The following UBTF variants were observed in gnomAD, a reference collection of about 807,000 sequenced individuals.
UBTF encodes nucleolar transcription factor 1.
UBTF carries 8 observed loss-of-function variants against 112.3 expected under a neutral mutation model. That is an observed-to-expected ratio of 0.07 (90% CI 0.04 to 0.13). The LOEUF is 0.13. UBTF is among the 10% of genes least tolerant of loss of function. UBTF has a pLI of 1.00. For synonymous variants in UBTF, 417 were observed against 373.1 expected (o/e 1.12, Z -1.36); for missense variants, 457 against 982.1 (o/e 0.47, Z 7.15).
At position 44,210,415 on chromosome 17, in the gene UBTF, C is replaced by T; in HGVS notation, c.1418G>A (p.Gly473Glu). The change falls in exon 14 of 21, where the codon GGG becomes GAG. Residue 473 changes from glycine to glutamate, a missense_variant. Around this residue, in one of 7 missense-constraint regions of UBTF, gnomAD observed 108 missense variants for 137.4 expected, o/e 0.79. Transcript: ENST00000436088. Reference sequence around the variant, plus strand: ...CAGCTTGCCCCGTTCCTCGCGCTCCCCGCCGGGCTTCCTCTCCGACTGAGC... The same window carrying T: ...CAGCTTGCCCCGTTCCTCGCGCTCCTCGCCGGGCTTCCTCTCCGACTGAGC... ...LKAQSERKPG[G>E]EREERGKLPE... 6.2e-7 allele frequency: 1 copy of T among 1,614,110 alleles called. No homozygotes were observed. The highest frequency in any genetic ancestry group is 1.1e-5 in the South Asian group (1 of 91,082).
At chr17:44,214,545 A>G (rs528093605) in intron 5 of UBTF, among the ~76,000 whole-genome samples, 3 of 152,130 alleles carry the variant, frequency 2.0e-5, no homozygotes, top group Non-Finnish European at 4.4e-5. Flanking sequence ...CCATCCCATG[A>G]GAGTGTTTGG....
intron 15 of UBTF, 112 bp downstream of exon 15, chr17:44,210,012 G>A: frequency 8.9e-7 from 1 of 1,129,176 alleles, no homozygotes; most frequent in Non-Finnish European, 1.3e-6. Flanking sequence ...GAAGGAAGCT[G>A]AGACTTGCTG....
intron 2 of UBTF, among the ~76,000 whole-genome samples, chr17:44,217,785 C>T (rs552180206): frequency 1.4e-4 from 21 of 152,218 alleles, no homozygotes; most frequent in Non-Finnish European, 2.9e-4. Flanking sequence ...CCACCTGCCT[C>T]TACAAAAGCC....
intron 5 of UBTF, among the ~76,000 whole-genome samples, chr17:44,213,830 A>G (rs2046704416): frequency 6.6e-6 from 1 of 152,174 alleles, no homozygotes; most frequent in Non-Finnish European, 1.5e-5. Flanking sequence ...AGTCTCAGCC[A>G]GCTACCCTGC....
chr17:44,207,818 G>A, intron 18 of UBTF, 46 bp downstream of exon 18: 1 of 1,614,066 alleles, frequency 6.2e-7, no homozygotes, highest in Non-Finnish European at 8.5e-7. Flanking sequence ...CGACACCCCT[G>A]AATTCCCCCA....
At chr17:44,213,317 C>A in intron 5 of UBTF, 35 bp from the exon 6 acceptor site, 1 of 1,603,576 alleles carries the variant, frequency 6.2e-7, no homozygotes. Context: ...ACTCAGGACC[C>A]AAGGGTATCT....
In UBTF at chr17:44,216,504, A is replaced by G. The variant is rs781246153; in HGVS notation, c.234+25T>C. 1.6e-4 allele frequency: 255 copies of G among 1,613,144 alleles called. 2 individuals are homozygous for G. In the Admixed American group the frequency reaches 4.1e-3, roughly 26 times the overall value. On this transcript the variant is annotated intron_variant, in intron 3 of 20. Transcript: ENST00000436088. ...CACGCTGAGTGGGGGGTATGTGTGT[A>G]TGTCAGAAAAGGGGGATCAGTTACC...
intron 5 of UBTF, chr17:44,215,375 G>C (rs1306833072): frequency 2.2e-6 from 1 of 455,090 alleles, no homozygotes; most frequent in Non-Finnish European, 4.0e-6. Context: ...GTGTATGGGG[G>C]AGAGAGAGCT....
rs375532870 is a variant in UBTF, at chr17:44,215,666, C to T, written c.462G>A (p.Pro154=). 33 of 1,613,860 alleles carry T rather than the reference C, an allele frequency of 2.0e-5. No individual in the cohort carries two copies. Among genetic ancestry groups the T allele is most frequent in the Non-Finnish European group, 2.5e-5 (29 of 1,180,002 alleles). The part of the protein sequence containing the change: ...KILSKKYKEL[P]EKKKMKYIQD... The stretch of plus-strand genomic sequence containing the variant: ...CTCCTCCCCCCACCTTCTTCTTCTC[C>T]GGAAGCTCCTTGTATTTCTTGGACA... The change falls in exon 5 of 21, where the codon CCG becomes CCA. Residue 154 remains proline, a synonymous_variant. Transcript: ENST00000436088.
intron 2 of UBTF, among the ~76,000 whole-genome samples, chr17:44,217,022 G>A (rs1294063784): frequency 6.6e-6 from 1 of 152,246 alleles, no homozygotes; most frequent in African/African-American, 2.4e-5. Flanking sequence ...AAGAGGGGTG[G>A]AAATGAAGGT....
In UBTF at chr17:44,207,472, C is replaced by G; in HGVS notation, c.2151G>C (p.Glu717Asp). Reference protein sequence around the residue: ...GDSSESSSEDESEDGDENEED... With the variant: ...GDSSESSSEDDSEDGDENEED... ...GCCCCACCTCATCCCCATCCTCGCT[C>G]TCGTCCTCGCTGCTGGACTCAGAGG... is the stretch of plus-strand genomic sequence containing the variant. Residue 717 changes from glutamate to aspartate, a missense_variant, in exon 20 of 21, where the codon GAG (glutamate) becomes GAC (aspartate). By Grantham distance (45) the Glu-to-Asp change is conservative. Around this residue, in one of 7 missense-constraint regions of UBTF, gnomAD observed 139 missense variants for 157.5 expected, o/e 0.88. Coordinates refer to ENST00000436088, the MANE Select transcript of UBTF (RefSeq NM_014233.4). The G allele has an allele frequency of 6.2e-7, 1 of 1,614,066 alleles. No homozygotes were observed. Among genetic ancestry groups the G allele is most frequent in the Non-Finnish European group, 8.5e-7 (1 of 1,179,976 alleles).
At chr17:44,209,180 A>AG in intron 17 of UBTF, 172 bp downstream of exon 17, 1 of 682,578 alleles carries the variant, frequency 1.5e-6, no homozygotes. Context: ...AAATAAAAAA[A>AG]AAAATAAAAA....
intron 1 of UBTF, 144 bp from the exon 2 acceptor site, chr17:44,218,440 ATGGGAG>A (rs1175885172): frequency 3.7e-6 from 2 of 547,362 alleles, no homozygotes; most frequent in Non-Finnish European, 6.4e-6. Context: ...GTCTATGGGA[ATGGGAG>A]TGCGCCCCTC....
intron 5 of UBTF, among the ~76,000 whole-genome samples, chr17:44,215,143 A>G (rs761274890): frequency 1.2e-4 from 19 of 152,256 alleles, no homozygotes; most frequent in African/African-American, 9.6e-5. Flanking sequence ...TGGCAGTAAC[A>G]GCACTGGACT....
chr17:44,218,078 C>A, intron 2 of UBTF, 94 bp downstream of exon 2: 1 of 1,250,838 alleles, frequency 8.0e-7, no homozygotes, highest in Non-Finnish European at 1.2e-6. Flanking sequence ...TCAGTGTATG[C>A]AGACTGAAAA....
chr17:44,220,812 C>G (rs1390668642), upstream of UBTF: 4 of 152,140 alleles, frequency 2.6e-5, no homozygotes, highest in Non-Finnish European at 5.9e-5. Flanking sequence ...GCCGCAGCTC[C>G]GCTGCAGCCG....
At position 44,210,658 on chromosome 17, in the gene UBTF, G is replaced by A. The variant is rs2056607238; in HGVS notation, c.1359+134C>T. 5 of 1,397,060 alleles carry A rather than the reference G, an allele frequency of 3.6e-6. 1 individual carries two copies. In the African/African-American group the frequency reaches 6.0e-5, roughly 17 times the overall value. 86.5% of individuals were successfully genotyped at this position (1,397,060 alleles called of 1,614,324 possible). A position where few individuals can be genotyped will look rare whatever the true frequency, so the allele number is the denominator to read the frequency against. On this transcript the variant is annotated intron_variant, in intron 13 of 20. Coordinates refer to ENST00000436088, the MANE Select transcript of UBTF (RefSeq NM_014233.4). ...ACAGCTTCCCGCCTTCCGGCTGCTG[G>A]GCGCCGGCCCCACGTCCCAGCCCAG...
At chr17:44,217,353 A>G (rs544179332) in intron 2 of UBTF, among the ~76,000 whole-genome samples, 2 of 152,324 alleles carry the variant, frequency 1.3e-5, no homozygotes, top group Admixed American at 1.3e-4. Context: ...GCAGGTGCAC[A>G]GAAACTCTCA....
At chr17:44,208,861 C>T (rs937829511) in intron 17 of UBTF, 1 of 311,286 alleles carries the variant, frequency 3.2e-6, no homozygotes, top group Admixed American at 4.5e-5. Context: ...GTTACTTAAC[C>T]TCTCTGAGCC....
Sources: gnomAD v4.1 joint callset for allele counts (sites outside exome capture counted in the v4.1 genomes callset) on GRCh38, gnomAD v4.1.1 for gene constraint, gnomAD v4.1.1 regional missense constraint, MANE v1.5 for transcripts, NCBI Gene and HGNC (gene_info 2026-07-23, HGNC 2026-07-21) for gene names.